The following LOC400499 variants were observed in gnomAD, a reference collection of about 807,000 sequenced individuals.
At chr16:11,395,912 T>C in the LOC400499 span, among the ~76,000 whole-genome samples, 1 of 152,048 alleles carries the variant, frequency 6.6e-6, no homozygotes, top group Non-Finnish European at 1.5e-5. Flanking sequence ...AGGAAACACA[T>C]GCTCAGAGAG....
chr16:11,388,371 C>A, the LOC400499 span, among the ~76,000 whole-genome samples: 28 of 152,134 alleles, frequency 1.8e-4, no homozygotes, highest in African/African-American at 3.1e-4. Flanking sequence ...GAGTCTTTTC[C>A]CCATGATGTG....
At chr16:11,456,866 C>T in the LOC400499 span, 6 of 1,536,186 alleles carry the variant, frequency 3.9e-6, no homozygotes, top group African/African-American at 5.5e-5. Flanking sequence ...CACCTTCCCA[C>T]TTCCACAGGG....
At chr16:11,410,743 C>A in the LOC400499 span, among the ~76,000 whole-genome samples, 5 of 152,248 alleles carry the variant, frequency 3.3e-5, no homozygotes, top group Non-Finnish European at 5.9e-5. Flanking sequence ...GTGCTGGGCC[C>A]TGTGCCAGGC....
chr16:11,457,457 G>A, the LOC400499 span, among the ~76,000 whole-genome samples: 2 of 151,966 alleles, frequency 1.3e-5, no homozygotes, highest in Non-Finnish European at 2.9e-5. Context: ...GCCGGGCATG[G>A]TGGTGGGCGC....
chr16:11,515,577 G>C, the LOC400499 span, among the ~76,000 whole-genome samples: 2 of 151,418 alleles, frequency 1.3e-5, no homozygotes, highest in Non-Finnish European at 2.9e-5. Context: ...GGAGAAGGGA[G>C]GGGAAGGGGA....
At chr16:11,390,747 CTGTT>C in the LOC400499 span, among the ~76,000 whole-genome samples, 132 of 152,300 alleles carry the variant, frequency 8.7e-4, no homozygotes, top group African/African-American at 3.0e-3. Flanking sequence ...TGCATCTGAA[CTGTT>C]TGTACAAACG....
At chr16:11,459,997 A>T in the LOC400499 span, 1 of 1,507,814 alleles carries the variant, frequency 6.6e-7, no homozygotes, top group Non-Finnish European at 8.8e-7. Flanking sequence ...TGCTTCCCGT[A>T]GCTCACCTCC....
chr16:11,460,719 T>C, the LOC400499 span: 6 of 1,407,188 alleles, frequency 4.3e-6, no homozygotes, highest in Middle Eastern at 2.6e-4. Context: ...ACACCCCCCA[T>C]GCTTTGCTCC....
the LOC400499 span, among the ~76,000 whole-genome samples, chr16:11,465,848 A>C: frequency 6.6e-6 from 1 of 151,712 alleles, no homozygotes; most frequent in African/African-American, 2.4e-5. Flanking sequence ...AGACGTGGGA[A>C]GAGGAAAAGA....
the LOC400499 span, among the ~76,000 whole-genome samples, chr16:11,377,581 C>A: frequency 2.2e-4 from 34 of 152,164 alleles, no homozygotes; most frequent in African/African-American, 1.4e-4. Flanking sequence ...TGTTTTCTTT[C>A]GTTCATTCTG....
At chr16:11,398,644 C>A in the LOC400499 span, 5 of 598,154 alleles carry the variant, frequency 8.4e-6, no homozygotes, top group Admixed American at 9.2e-5. Context: ...AGCCACAGCA[C>A]CCCCTTACAC....
chr16:11,477,816 G>A, the LOC400499 span: 7 of 398,874 alleles, frequency 1.8e-5, no homozygotes, highest in African/African-American at 1.4e-4. Flanking sequence ...CCAGGAGCTA[G>A]ATACCTGGGC....
the LOC400499 span, chr16:11,469,320 CT>C: frequency 2.5e-6 from 1 of 399,144 alleles, no homozygotes; most frequent in Non-Finnish European, 4.4e-6. Context: ...CTCCGTCCCC[CT>C]GGGAGGACTG....
chr16:11,500,538 T>TAATAATAATAATAATAAG, the LOC400499 span, among the ~76,000 whole-genome samples: 1 of 150,302 alleles, frequency 6.7e-6, no homozygotes. Flanking sequence ...ATAATAATAA[T>TAATAATAATAATAATAAG]CAGAAAAGAA....
chr16:11,473,319 T>G, the LOC400499 span: 1 of 147,590 alleles, frequency 6.8e-6, no homozygotes, highest in East Asian at 2.0e-4. Context: ...CTTCATTAAA[T>G]AGAGCCCTCC....
At chr16:11,461,633 G>A in the LOC400499 span, among the ~76,000 whole-genome samples, 11 of 152,340 alleles carry the variant, frequency 7.2e-5, no homozygotes, top group East Asian at 2.1e-3. Context: ...AGACACAGAA[G>A]GTCAGCCAGA....
chr16:11,377,534 G>T, the LOC400499 span, among the ~76,000 whole-genome samples: 1 of 152,150 alleles, frequency 6.6e-6, no homozygotes, highest in Non-Finnish European at 1.5e-5. Flanking sequence ...ATTAAACTTT[G>T]TTAAATGCTT....
At chr16:11,459,339 G>A in the LOC400499 span, among the ~76,000 whole-genome samples, 1 of 151,572 alleles carries the variant, frequency 6.6e-6, no homozygotes, top group Admixed American at 6.6e-5. Context: ...TGGGGCTACA[G>A]GCACCTGCCC....
At chr16:11,377,230 C>T in the LOC400499 span, among the ~76,000 whole-genome samples, 10 of 152,204 alleles carry the variant, frequency 6.6e-5, no homozygotes, top group Admixed American at 4.6e-4. Flanking sequence ...ATTATTAGTT[C>T]TAACAGTTGT....
Sources: gnomAD v4.1 joint callset for allele counts (sites outside exome capture counted in the v4.1 genomes callset) on GRCh38, gnomAD v4.1.1 for gene constraint, MANE v1.5 for transcripts.